CASZ1: variants seen among roughly 807,000 people sequenced by gnomAD.
The protein encoded by CASZ1 is zinc finger protein castor homolog 1.
Under a neutral mutation model 135.2 loss-of-function variants are expected in CASZ1, and 28 were observed. That is an observed-to-expected ratio of 0.21 (90% CI 0.15 to 0.28). The LOEUF is 0.28. CASZ1 is among the 10% of genes least tolerant of loss of function. CASZ1 has a pLI of 1.00. For missense variants in CASZ1, 2,161 were observed against 2,453.3 expected (o/e 0.88, Z 2.52); for synonymous variants, 1,068 against 1,073.4 (o/e 0.99, Z 0.10).
intron 8 of CASZ1, 80 bp from the exon 9 acceptor site, chr1:10,655,893 C>G (rs1342505123): frequency 1.4e-6 from 2 of 1,456,222 alleles, no homozygotes; most frequent in East Asian, 4.6e-5. Context: ...AGCACCTGGG[C>G]CAGGTGCTGG....
In CASZ1 at chr1:10,694,985, G is replaced by A. The variant is rs1298036237; in HGVS notation, c.-23-1073C>T. Among the ~76,000 whole-genome samples the A allele has an allele frequency of 6.8e-6, 1 of 146,710 alleles. No homozygotes were observed. The highest frequency in any genetic ancestry group is 6.7e-5 in the Admixed American group (1 of 14,892). ...CGCGCGCGCCTGCCCCACGACCCGC[G>A]CGGCCGCGCTAACTTTTCCGCGAGG... On this transcript the variant is annotated intron_variant, in intron 3 of 20. Coordinates refer to ENST00000377022, the MANE Select transcript of CASZ1 (RefSeq NM_001079843.3). The surrounding 1 kb of genome is among the most constrained non-coding windows in gnomAD (Gnocchi z 6.6).
chr1:10,732,600 G>A (rs1472635493), intron 2 of CASZ1, among the ~76,000 whole-genome samples: 1 of 152,178 alleles, frequency 6.6e-6, no homozygotes, highest in Non-Finnish European at 1.5e-5. Flanking sequence ...TCACATCCTA[G>A]GTGAGAGATT....
In CASZ1 at chr1:10,663,024, T is replaced by G. The variant is rs571153728; in HGVS notation, c.505+2059A>C. Among the ~76,000 whole-genome samples the G allele has an allele frequency of 5.9e-5, 9 of 152,248 alleles. No individual in the cohort carries two copies. In the South Asian group the frequency reaches 1.5e-3, roughly 25 times the overall value. On this transcript the variant is annotated intron_variant, in intron 5 of 20. Coordinates refer to ENST00000377022, the MANE Select transcript of CASZ1 (RefSeq NM_001079843.3). Reference sequence around the variant, plus strand: ...TGTGCTACATGCCTCCCGTGTGCCATGCCCTGCATCAGGGTTAGGTGCACC... The same window carrying G: ...TGTGCTACATGCCTCCCGTGTGCCAGGCCCTGCATCAGGGTTAGGTGCACC...
chr1:10,682,878 G>A (rs909072046), intron 4 of CASZ1, among the ~76,000 whole-genome samples: 3 of 152,254 alleles, frequency 2.0e-5, no homozygotes, highest in African/African-American at 7.2e-5. Context: ...GTGGCCCTGC[G>A]TGGTGCGCTT....
intron 1 of CASZ1, among the ~76,000 whole-genome samples, chr1:10,773,245 A>T (rs1003860586): frequency 1.3e-5 from 2 of 152,210 alleles, no homozygotes; most frequent in African/African-American, 4.8e-5. Flanking sequence ...CTGGGAAGAC[A>T]GCAGCAGGAT....
intron 2 of CASZ1, among the ~76,000 whole-genome samples, chr1:10,728,041 G>A (rs1388279159): frequency 6.6e-6 from 1 of 152,248 alleles, no homozygotes; most frequent in East Asian, 1.9e-4. Flanking sequence ...CGGGCTCCCC[G>A]TCAACACATC....
At chr1:10,674,728 G>T (rs1402112405) in intron 4 of CASZ1, among the ~76,000 whole-genome samples, 1 of 152,218 alleles carries the variant, frequency 6.6e-6, no homozygotes, top group Non-Finnish European at 1.5e-5. Context: ...GCAGGGCACC[G>T]CGGACCTGGA....
chr1:10,642,800 C>T (rs1156592835), intron 20 of CASZ1, 59 bp downstream of exon 20: 18 of 1,576,964 alleles, frequency 1.1e-5, no homozygotes, highest in Middle Eastern at 1.9e-4. Context: ...CTGCACCCAG[C>T]GGTGCTGGGC....
chr1:10,744,098 G>A (rs1052523868), intron 2 of CASZ1, among the ~76,000 whole-genome samples: 18 of 152,150 alleles, frequency 1.2e-4, no homozygotes, highest in Admixed American at 7.8e-4. Flanking sequence ...CAGCCCTTAC[G>A]CCTAGGGTAC....
chr1:10,789,125 GC>G (rs1640909774), intron 1 of CASZ1, among the ~76,000 whole-genome samples: 1 of 152,038 alleles, frequency 6.6e-6, no homozygotes, highest in African/African-American at 2.4e-5. Context: ...GGGACATGGC[GC>G]CCAGGAGAAA....
chr1:10,639,402 C>CCCTCTGCCGCGGGCT lies in CASZ1; in HGVS notation c.4805_4819dup (p.Glu1602_Glu1606dup), dbSNP rs1553123411. The CCCTCTGCCGCGGGCT allele has an allele frequency of 6.5e-7, 1 of 1,548,818 alleles. No individual in the cohort carries two copies. The highest frequency in any genetic ancestry group is 2.4e-5 in the East Asian group (1 of 41,036). On this transcript the variant is annotated inframe_insertion, in exon 21 of 21. Transcript: ENST00000377022. This position sits in a 1 kb window ranked among gnomAD's most constrained non-coding sequence, Gnocchi z 4.0. ...ACTGATGGGAGGCCCGGGCGCGGGG[C>CCCTCTGCCGCGGGCT]CCTCTGCCGCGGGCTCGCCGCGCTC...
At position 10,665,469 on chromosome 1, in the gene CASZ1, C is replaced by T. The variant is rs779099637; in HGVS notation, c.119G>A (p.Arg40His). 8.7e-6 allele frequency: 14 copies of T among 1,609,144 alleles called. No homozygotes were observed. Among genetic ancestry groups the T allele is most frequent in the East Asian group, 2.2e-5 (1 of 44,886 alleles). The change falls in exon 5 of 21, where the codon CGC (arginine) becomes CAC (histidine). Residue 40 changes from arginine (R) to histidine (H), a missense_variant. Transcript: ENST00000377022. Reference sequence around the variant, plus strand: ...AGCTCGCTTCTCCACCACCACCTGGCGGCTCAGCTTGGCGCAGATGGCGTT... The same window carrying T: ...AGCTCGCTTCTCCACCACCACCTGGTGGCTCAGCTTGGCGCAGATGGCGTT... Reference protein sequence around the residue: ...KLNAICAKLSRQVVVEKRADA... With the variant: ...KLNAICAKLSHQVVVEKRADA...
At chr1:10,693,839 G>A in intron 4 of CASZ1, 35 bp downstream of exon 4, 1 of 1,600,332 alleles carries the variant, frequency 6.2e-7, no homozygotes, top group Non-Finnish European at 8.5e-7. Flanking sequence ...AAAGAAAAGT[G>A]AAAGAGCCGC....
At chr1:10,787,701 A>G (rs1054672209) in intron 1 of CASZ1, among the ~76,000 whole-genome samples, 1 of 152,046 alleles carries the variant, frequency 6.6e-6, no homozygotes, top group African/African-American at 2.4e-5. Flanking sequence ...AGAGACCATC[A>G]GCAAAGAGGC....
At chr1:10,664,729 C>T (rs1321316224) in intron 5 of CASZ1, among the ~76,000 whole-genome samples, 2 of 152,100 alleles carry the variant, frequency 1.3e-5, no homozygotes, top group African/African-American at 4.8e-5. Flanking sequence ...TCAGGCCTCA[C>T]AGGTGTGTGT....
chr1:10,761,905 C>T (rs1640383581), intron 1 of CASZ1, among the ~76,000 whole-genome samples: 1 of 152,168 alleles, frequency 6.6e-6, no homozygotes, highest in Non-Finnish European at 1.5e-5. Flanking sequence ...GGAAGATTGC[C>T]ACTGAAATCC....
rs78913766 is a variant in CASZ1 at position 10,679,303 on chromosome 1, C to T, written c.17-13732G>A. ...CCTGAGGCAGACAGGTCTCCTGGGCCATCTGCACCACATGCCCCAGGAAGC... is the reference window on the plus strand; with the variant it reads ...CCTGAGGCAGACAGGTCTCCTGGGCTATCTGCACCACATGCCCCAGGAAGC... On this transcript the variant is annotated intron_variant, in intron 4 of 20. Transcript: ENST00000377022. The surrounding 1 kb of genome is among the most constrained non-coding windows in gnomAD (Gnocchi z 4.7). Among the ~76,000 whole-genome samples, 568 of 152,322 alleles carry T rather than the reference C, an allele frequency of 3.7e-3. 6 individuals are homozygous for T. The East Asian group carries it at 0.037, about 10-fold the overall frequency.
chr1:10,716,388 G>A (rs1442085332), intron 2 of CASZ1, among the ~76,000 whole-genome samples: 1 of 152,248 alleles, frequency 6.6e-6, no homozygotes, highest in Non-Finnish European at 1.5e-5. Context: ...GCACAAGCCG[G>A]CTAGAAGAGG....
At chr1:10,783,416 T>G (rs1005222608) in intron 1 of CASZ1, among the ~76,000 whole-genome samples, 1 of 149,050 alleles carries the variant, frequency 6.7e-6, no homozygotes, top group Admixed American at 6.7e-5. Context: ...AAAGGAGGGA[T>G]GGAAAGAAGA....
Sources: allele counts gnomAD v4.1 joint callset (sites outside exome capture counted in the v4.1 genomes callset), GRCh38; gene constraint gnomAD v4.1.1; non-coding constraint Gnocchi (gnomAD v3.1); transcripts MANE v1.5; gene names NCBI Gene and HGNC (gene_info 2026-07-23, HGNC 2026-07-21).